RAD17: variants seen among roughly 807,000 people sequenced by gnomAD.
RAD17 encodes the protein cell cycle checkpoint protein RAD17.
A neutral mutation model predicts 81.5 loss-of-function variants in RAD17; 31 were observed. That is an observed-to-expected ratio of 0.38 (90% confidence interval 0.29 to 0.51). The LOEUF (loss-of-function observed/expected upper bound fraction) is 0.51, where lower values mean the gene tolerates loss of function less well. Ranked by LOEUF, RAD17 falls within the 20% of genes least tolerant of loss-of-function variation. The pLI, the probability that RAD17 is intolerant of heterozygous loss-of-function variation, is 0.88. For missense variants in RAD17, 681 were observed against 781.2 expected, an observed-to-expected ratio of 0.87 and a Z score of 1.53; for synonymous variants, 261 against 266.2, an observed-to-expected ratio of 0.98 and a Z score of 0.19.
intron 3 of RAD17, 59 bp downstream of exon 3, chr5:69,371,616 A>C: frequency 2.1e-6 from 2 of 944,268 alleles, no homozygotes; most frequent in South Asian, 6.9e-5. Context: ...AAATTTTTAT[A>C]TATATTCTTA....
chr5:69,377,241 T>C (rs936700050), intron 6 of RAD17, among the ~76,000 whole-genome samples: 4 of 151,812 alleles, frequency 2.6e-5, no homozygotes, highest in Admixed American at 1.3e-4. Context: ...GACACACCTC[T>C]TACATCCAGG....
Position 69,392,019 on chromosome 5 carries a change from A to C in RAD17, c.1189+6A>C. 1 of 1,508,300 alleles carries C rather than the reference A, an allele frequency of 6.6e-7. No homozygotes were observed. The highest frequency in any genetic ancestry group is 1.3e-5 in the South Asian group (1 of 77,072). 93.4% of individuals were successfully genotyped at this position (1,508,300 alleles called of 1,614,324 possible). On this transcript the variant is annotated splice_donor_region_variant and intron_variant, in intron 13 of 18. Transcript: ENST00000354868. ...GAAAATTCTATATTGTAAAAGTAAG[A>C]AATTTTTACACTTTTAAAATCTGTT...
upstream of RAD17, chr5:69,369,583 G>A (rs1022546461): frequency 9.4e-6 from 15 of 1,598,542 alleles, no homozygotes; most frequent in African/African-American, 1.3e-5. Context: ...AAAAGCCCAC[G>A]GCCCCAAAGG....
intron 15 of RAD17, among the ~76,000 whole-genome samples, chr5:69,393,985 G>A (rs1764712946): frequency 7.5e-6 from 1 of 133,800 alleles, no homozygotes; most frequent in African/African-American, 2.7e-5. Flanking sequence ...GAACTACTGG[G>A]TTTAGGGAAT....
intron 6 of RAD17, among the ~76,000 whole-genome samples, chr5:69,375,046 G>C (rs1281666319): frequency 6.6e-6 from 1 of 152,176 alleles, no homozygotes. Flanking sequence ...AGCCCAGAAG[G>C]TGGAAGCTGC....
intron 16 of RAD17, among the ~76,000 whole-genome samples, chr5:69,397,119 A>G (rs1764940998): frequency 6.6e-6 from 1 of 152,080 alleles, no homozygotes; most frequent in Non-Finnish European, 1.5e-5. Context: ...AATGTGAGAC[A>G]CCATGCTCGG....
At chr5:69,377,132 A>T (rs892464062) in intron 6 of RAD17, among the ~76,000 whole-genome samples, 2 of 152,028 alleles carry the variant, frequency 1.3e-5, no homozygotes, top group African/African-American at 4.8e-5. Context: ...AAGATCATGA[A>T]TTCAAGTTGG....
intron 17 of RAD17, among the ~76,000 whole-genome samples, chr5:69,400,934 A>G (rs993733927): frequency 1.3e-5 from 2 of 152,020 alleles, no homozygotes; most frequent in Admixed American, 1.3e-4. Context: ...GTCTGTCTCA[A>G]AAAAACAAAA....
At position 69,399,743 on chromosome 5, in the gene RAD17, T is replaced by C. The variant is rs1209566561; in HGVS notation, c.1573-306T>C. 2.0e-5 allele frequency among the ~76,000 whole-genome samples: 3 copies of C among 152,206 alleles called. No individual in the cohort carries two copies. In the East Asian group the frequency reaches 5.8e-4, roughly 29 times the overall value. ...AAAACTATTTTCGTGTAATTTATGA[T>C]GTGTGTGTGCTCATAAACAATTCCT... On this transcript the variant is annotated intron_variant, in intron 16 of 18. Coordinates refer to ENST00000354868, the MANE Select transcript of RAD17 (RefSeq NM_133338.3).
chr5:69,388,532 C>G (rs1286699737), intron 11 of RAD17, among the ~76,000 whole-genome samples: 1 of 152,064 alleles, frequency 6.6e-6, no homozygotes, highest in Non-Finnish European at 1.5e-5. Flanking sequence ...GAAAGTATAC[C>G]TTAAACTGTA....
chr5:69,382,295 A>C (rs192595777), intron 7 of RAD17, among the ~76,000 whole-genome samples: 28 of 152,322 alleles, frequency 1.8e-4, no homozygotes, highest in African/African-American at 6.0e-4. Context: ...AAAATAAAAA[A>C]ATCAGCTAGG....
chr5:69,408,961 G>T (rs756499891), intron 17 of RAD17, among the ~76,000 whole-genome samples: 1 of 152,138 alleles, frequency 6.6e-6, no homozygotes, highest in Non-Finnish European at 1.5e-5. Context: ...CTTCTTAGTT[G>T]TCTCTTTCCC....
intron 12 of RAD17, among the ~76,000 whole-genome samples, chr5:69,390,206 G>C (rs183769228): frequency 1.3e-5 from 2 of 152,278 alleles, no homozygotes; most frequent in Admixed American, 1.3e-4. Context: ...CAGGAACTGT[G>C]TTAGCAATTA....
intron 16 of RAD17, among the ~76,000 whole-genome samples, chr5:69,399,159 T>C (rs1048750032): frequency 4.6e-5 from 7 of 151,838 alleles, no homozygotes; most frequent in African/African-American, 1.2e-4. Context: ...GGAGGCTGAA[T>C]TGGGAGGATT....
At chr5:69,383,374 A>G (rs548967744) in intron 7 of RAD17, among the ~76,000 whole-genome samples, 1 of 150,476 alleles carries the variant, frequency 6.6e-6, no homozygotes, top group African/African-American at 2.4e-5. Flanking sequence ...CTTTATTATT[A>G]TTATTACTAT....
At chr5:69,410,738 A>G (rs1002929310) in intron 18 of RAD17, among the ~76,000 whole-genome samples, 188 bp downstream of exon 18, 9 of 151,874 alleles carry the variant, frequency 5.9e-5, no homozygotes, top group African/African-American at 1.5e-4. Flanking sequence ...CCCACTCCCA[A>G]TGGACTATAC....
In RAD17 at chr5:69,374,629, A is replaced by G. The variant is rs762495801; in HGVS notation, c.269A>G (p.His90Arg). 13 of 1,603,954 alleles carry G rather than the reference A, an allele frequency of 8.1e-6. No individual in the cohort carries two copies. The highest frequency in any genetic ancestry group is 1.7e-5 in the Admixed American group (1 of 57,230). ...TTAAATTTGAAATTTTTGTTGTAGC[A>G]TGAACTTGCTGTGCATAAAAAGAAA... ...WVDKYKPETQ[H>R]ELAVHKKKIE... Residue 90 changes from histidine to arginine, a missense_variant and splice_region_variant, in exon 6 of 19, where the codon CAT becomes CGT. His to Arg is a conservative substitution (Grantham distance 29, BLOSUM62 0). Transcript: ENST00000354868.
chr5:69,391,973 G>T lies in RAD17; in HGVS notation c.1149G>T (p.Leu383=). The change falls in exon 13 of 19, where the codon CTG becomes CTT. Residue 383 remains leucine, a synonymous_variant. Coordinates refer to ENST00000354868, the MANE Select transcript of RAD17 (RefSeq NM_133338.3). The stretch of plus-strand genomic sequence containing the variant: ...CTATTGGTGGCAAAGATGTTTCTCT[G>T]TTTCTCTTCAGAGCTTTGGGGAAAA... ...VQAIGGKDVS[L]FLFRALGKIL... is the part of the protein sequence containing the mutation. 3.2e-6 allele frequency: 5 copies of T among 1,562,960 alleles called. No homozygotes were observed. The highest frequency in any genetic ancestry group is 4.3e-6 in the Non-Finnish European group (5 of 1,163,424).
rs374771174 is a variant in RAD17 at position 69,389,024 on chromosome 5, C to G, written c.895-10C>G. The G allele has an allele frequency of 7.3e-7, 1 of 1,366,986 alleles. No homozygotes were observed. Among genetic ancestry groups the G allele is most frequent in the Non-Finnish European group, 9.8e-7 (1 of 1,023,022 alleles). The allele number at this position is 1,366,986 out of a possible 1,614,324, so 84.7% of individuals were successfully genotyped here. On this transcript the variant is annotated splice_polypyrimidine_tract_variant and intron_variant, in intron 11 of 18. Transcript: ENST00000354868. ...AATACTTTTTTTTAAATTTAATTTT[C>G]TTATTTTAGAATGGAGGAAAAATTA... is the stretch of plus-strand genomic sequence containing the variant.
Sources: gnomAD v4.1 joint callset for allele counts (sites outside exome capture counted in the v4.1 genomes callset) on GRCh38, gnomAD v4.1.1 for gene constraint, MANE v1.5 for transcripts, NCBI Gene and HGNC (gene_info 2026-07-23, HGNC 2026-07-21) for gene names.